Variants in TMEM181 observed in about 807,000 individuals in gnomAD.
TMEM181 encodes the protein transmembrane protein 181, also known as G protein-coupled receptor 178.
In TMEM181, 39 loss-of-function variants were observed where a neutral mutation model predicts 71.9. The observed-to-expected ratio is 0.54, with a 90% CI of 0.42 to 0.71. The LOEUF is 0.71. TMEM181 is among the 30% of genes least tolerant of loss of function. The pLI is 0.00. For missense variants in TMEM181, 595 were observed against 583.0 expected (o/e 1.02, Z -0.21); for synonymous variants, 245 against 228.8 (o/e 1.07, Z -0.64).
At chr6:158,544,184 T>A (rs376807873) in intron 1 of TMEM181, among the ~76,000 whole-genome samples, 163 of 98,134 alleles carry the variant, frequency 1.7e-3, no homozygotes, top group Middle Eastern at 4.8e-3. Flanking sequence ...TTGGAGAGAG[T>A]GTGTGTGTGT....
intron 12 of TMEM181, 66 bp from the exon 13 acceptor site, chr6:158,625,637 T>C: frequency 6.9e-7 from 1 of 1,448,408 alleles, no homozygotes; most frequent in African/African-American, 1.4e-5. Context: ...TTGTTTTTTA[T>C]TTTTCAAAAT....
rs1013316451 is a variant in TMEM181 at position 158,573,497 on chromosome 6, G to C, written c.86G>C (p.Gly29Ala). Residue 29 changes from glycine to alanine, a missense_variant, in exon 2 of 17, where the codon GGC becomes GCC. By Grantham distance (60) the Gly-to-Ala change is moderately conservative. Coordinates refer to ENST00000684151, the MANE Select transcript of TMEM181 (RefSeq NM_001376852.1). ...TTTGTCGTCTTCTTCATCTGCTTTG[G>C]CCTGACCATCTTCGTTGGGATCAGA... is the stretch of plus-strand genomic sequence containing the variant. ...LVFVVFFICFGLTIFVGIRGP... is the reference protein window; with the variant it reads ...LVFVVFFICFALTIFVGIRGP... 1.9e-6 allele frequency: 3 copies of C among 1,608,038 alleles called. No homozygotes were observed. Among genetic ancestry groups the C allele is most frequent in the South Asian group, 1.1e-5 (1 of 89,828 alleles).
Position 158,635,304 on chromosome 6 carries a change from C to T in TMEM181, c.*3416C>T, listed in dbSNP as rs945479854. The T allele has an allele frequency of 3.3e-5, 5 of 152,222 alleles. No homozygotes were observed. The highest frequency in any genetic ancestry group is 2.9e-5 in the Non-Finnish European group (2 of 68,044). 9.4% of individuals were successfully genotyped at this position (152,222 alleles called of 1,614,324 possible). A position where few individuals can be genotyped will look rare whatever the true frequency, so the allele number is the denominator to read the frequency against. Reference sequence around the variant, plus strand: ...TGGACCTGTCCGTGGGGCACAGTGCCACCCCATCACAGTGTTGCTGTCATC... The same window carrying T: ...TGGACCTGTCCGTGGGGCACAGTGCTACCCCATCACAGTGTTGCTGTCATC... On this transcript the variant is annotated 3_prime_UTR_variant, in exon 17 of 17. Coordinates refer to ENST00000684151, the MANE Select transcript of TMEM181 (RefSeq NM_001376852.1).
chr6:158,585,127 T>C (rs1041539012), intron 4 of TMEM181, among the ~76,000 whole-genome samples, 177 bp from the exon 5 acceptor site: 4 of 152,228 alleles, frequency 2.6e-5, no homozygotes, highest in Non-Finnish European at 5.9e-5. Flanking sequence ...TGGAATCTAA[T>C]GGAAAGGCTT....
At chr6:158,559,589 T>G (rs1193339594), upstream of TMEM181, among the ~76,000 whole-genome samples, 4 of 152,174 alleles carry the variant, frequency 2.6e-5, no homozygotes, top group Non-Finnish European at 5.9e-5. Context: ...CTAGCTGCAG[T>G]CTAGAAGCGG....
At chr6:158,585,850 G>A (rs915722830) in intron 5 of TMEM181, among the ~76,000 whole-genome samples, 14 of 152,126 alleles carry the variant, frequency 9.2e-5, no homozygotes, top group Non-Finnish European at 1.9e-4. Flanking sequence ...TTAGAGACAG[G>A]TTTTTGCTCT....
chr6:158,629,704 C>G (rs368958519), intron 14 of TMEM181, 26 bp from the exon 15 acceptor site: 1 of 1,572,542 alleles, frequency 6.4e-7, no homozygotes, highest in Non-Finnish European at 8.7e-7. Context: ...GTCCAGATGC[C>G]GCGTTCCTTC....
At chr6:158,558,972 G>A (rs1782007694), upstream of TMEM181, among the ~76,000 whole-genome samples, 1 of 152,156 alleles carries the variant, frequency 6.6e-6, no homozygotes, top group Non-Finnish European at 1.5e-5. Context: ...CTCTGCTTAT[G>A]TATGAAAAGA....
chr6:158,625,154 CTT>C lies in TMEM181; in HGVS notation c.1006_1007del (p.Leu336ValfsTer34). Reference sequence around the variant, plus strand: ...TGGCAGCGGTGTACATTCTGTACCTCTTGTTCTTGATAGTGCGGGCGTGTTCC... The same window carrying C: ...TGGCAGCGGTGTACATTCTGTACCTCGTTCTTGATAGTGCGGGCGTGTTCC... ...VVAAVYILYL[L>X]FLIVRACSEL... On this transcript the variant is annotated frameshift_variant, in exon 12 of 17. Coordinates refer to ENST00000684151, the MANE Select transcript of TMEM181 (RefSeq NM_001376852.1). LOFTEE classifies it high-confidence loss of function. 1 of 1,614,188 alleles carries C rather than the reference CTT, an allele frequency of 6.2e-7. No homozygotes were observed. The highest frequency in any genetic ancestry group is 8.5e-7 in the Non-Finnish European group (1 of 1,180,032).
chr6:158,620,601 T>C lies in TMEM181; in HGVS notation c.897-2949T>C, dbSNP rs1785899484. Among the ~76,000 whole-genome samples the C allele has an allele frequency of 6.6e-6, 1 of 151,994 alleles. No individual in the cohort carries two copies. The highest frequency in any genetic ancestry group is 1.5e-5 in the Non-Finnish European group (1 of 67,998). ...GAGGTGGATTCCTGAGACCTGAGGG[T>C]TTTGAGAGCCCACTGGGGAGTAGCC... On this transcript the variant is annotated intron_variant, in intron 10 of 16. Coordinates refer to ENST00000684151, the MANE Select transcript of TMEM181 (RefSeq NM_001376852.1). The surrounding 1 kb of genome is among the most constrained non-coding windows in gnomAD (Gnocchi z 4.5).
intron 1 of TMEM181, among the ~76,000 whole-genome samples, chr6:158,568,347 G>A (rs1363132036): frequency 6.6e-6 from 1 of 152,128 alleles, no homozygotes; most frequent in African/African-American, 2.4e-5. Context: ...GTGGGGTAGG[G>A]TGGGCAGGGA....
chr6:158,598,551 C>T (rs572458677), intron 6 of TMEM181, among the ~76,000 whole-genome samples: 66 of 152,108 alleles, frequency 4.3e-4, no homozygotes, highest in Non-Finnish European at 7.5e-4. Context: ...GAGTGCTGCC[C>T]GGCTTCTCAG....
intron 14 of TMEM181, among the ~76,000 whole-genome samples, chr6:158,629,107 C>T (rs1395238613): frequency 6.6e-6 from 1 of 152,168 alleles, no homozygotes; most frequent in Non-Finnish European, 1.5e-5. Context: ...TGGCCTCGCC[C>T]AGAAGTCGGA....
intron 10 of TMEM181, among the ~76,000 whole-genome samples, chr6:158,609,112 A>AAG (rs1554228086): frequency 1.3e-5 from 2 of 151,360 alleles, no homozygotes; most frequent in African/African-American, 4.9e-5. Context: ...AAAAAAAAAA[A>AAG]GGTGAAAAGG....
chr6:158,545,060 T>C (rs1781481048), intron 1 of TMEM181, among the ~76,000 whole-genome samples: 1 of 152,254 alleles, frequency 6.6e-6, no homozygotes, highest in African/African-American at 2.4e-5. Flanking sequence ...GAGAGGATGC[T>C]GCCCACCGCT....
At chr6:158,580,884 T>A (rs1783432471) in intron 2 of TMEM181, 56 bp from the exon 3 acceptor site, 1 of 1,514,186 alleles carries the variant, frequency 6.6e-7, no homozygotes, top group Admixed American at 1.8e-5. Flanking sequence ...TGGAAAAAAA[T>A]ACTAAATTAT....
At chr6:158,623,669 A>AT (rs1786104796) in intron 11 of TMEM181, 62 bp downstream of exon 11, 3 of 1,207,454 alleles carry the variant, frequency 2.5e-6, no homozygotes, top group Non-Finnish European at 3.5e-6. Flanking sequence ...AAATTACTGA[A>AT]TTTTGTGACT....
rs144551023 is a variant in TMEM181, at chr6:158,581,679, C to T, written c.168+684C>T. On this transcript the variant is annotated intron_variant, in intron 3 of 16. Coordinates refer to ENST00000684151, the MANE Select transcript of TMEM181 (RefSeq NM_001376852.1). ...CTGAAGCAGGAGAATGGTGTGAACC[C>T]GGGCGGGGGAGCTTGCCGTCAGCCA... Among the ~76,000 whole-genome samples the T allele has an allele frequency of 4.1e-3, 541 of 131,064 alleles. 4 individuals are homozygous for T. The highest frequency in any genetic ancestry group is 0.014 in the African/African-American group (481 of 34,206). 86.0% of individuals were successfully genotyped at this position (131,064 alleles called of 152,430 possible).
chr6:158,546,007 A>G (rs1400177103), intron 1 of TMEM181, among the ~76,000 whole-genome samples: 1 of 152,202 alleles, frequency 6.6e-6, no homozygotes, highest in Non-Finnish European at 1.5e-5. Flanking sequence ...AAGTGAAGAT[A>G]ATGACCAGTT....
Sources: gnomAD v4.1 joint callset for allele counts (sites outside exome capture counted in the v4.1 genomes callset) on GRCh38, gnomAD v4.1.1 for gene constraint, Gnocchi (gnomAD v3.1) non-coding constraint, MANE v1.5 for transcripts, NCBI Gene and HGNC (gene_info 2026-07-23, HGNC 2026-07-21) for gene names.